The following STX6 variants were observed in gnomAD, a reference collection of about 807,000 sequenced individuals.
The protein encoded by STX6 is syntaxin 6.
A neutral mutation model predicts 38.0 loss-of-function variants in STX6; 23 were observed. The observed-to-expected ratio is 0.60, with a 90% confidence interval of 0.43 to 0.86. The LOEUF (loss-of-function observed/expected upper bound fraction) is 0.86. Ranked by LOEUF, STX6 falls within the 40% of genes least tolerant of loss-of-function variation. STX6 has a pLI of 0.00. For missense variants in STX6, 274 were observed against 312.9 expected, an observed-to-expected ratio of 0.88 and a Z score of 0.94; for synonymous variants, 123 against 107.5, an observed-to-expected ratio of 1.14 and a Z score of -0.89.
chr1:181,022,495 G>T, intron 1 of STX6, 144 bp downstream of exon 1: 1 of 785,018 alleles, frequency 1.3e-6, no homozygotes, highest in Non-Finnish European at 2.1e-6. Context: ...GCTTGGTCAT[G>T]GCCCTCAAGA....
chr1:181,007,576 G>A (rs1656259806), intron 1 of STX6, among the ~76,000 whole-genome samples: 1 of 152,130 alleles, frequency 6.6e-6, no homozygotes, highest in Non-Finnish European at 1.5e-5. Flanking sequence ...ATTCCTTCTT[G>A]AGAACTAGAA....
intron 7 of STX6, among the ~76,000 whole-genome samples, chr1:180,984,026 T>C (rs1191460324): frequency 1.7e-5 from 2 of 117,034 alleles, no homozygotes; most frequent in African/African-American, 6.8e-5. Flanking sequence ...ATTACGCCAC[T>C]GCACTCCAGC....
At position 181,011,082 on chromosome 1, in the gene STX6, AGCACCCTACAG is replaced by A. The variant is rs533807195; in HGVS notation, c.36-5630_36-5620del. ...ACAAAGCAGTTGCAGAATAAAGCTC[AGCACCCTACAG>A]GCCTGACCAGCAACTTGGCTTATTC... is the stretch of plus-strand genomic sequence containing the variant. On this transcript the variant is annotated intron_variant, in intron 1 of 7. Transcript: ENST00000258301. Among the ~76,000 whole-genome samples, 8 of 152,386 alleles carry A rather than the reference AGCACCCTACAG, an allele frequency of 5.2e-5. No homozygotes were observed. The East Asian group carries it at 1.5e-3, about 29-fold the overall frequency.
Position 181,022,735 on chromosome 1 carries a change from T to C in STX6, c.-62A>G. 1.3e-6 allele frequency: 2 copies of C among 1,517,100 alleles called. No homozygotes were observed. Among genetic ancestry groups the C allele is most frequent in the Non-Finnish European group, 1.8e-6 (2 of 1,117,802 alleles). 94.0% of individuals were successfully genotyped at this position (1,517,100 alleles called of 1,614,324 possible). ...CACAGGGCGCCCGTGCCTCCCGGTC[T>C]CCCTCCGCCCACCCCGCCTGTTCCC... On this transcript the variant is annotated 5_prime_UTR_variant, in exon 1 of 8. Transcript: ENST00000258301.
At chr1:181,006,721 C>T (rs1469432690) in intron 1 of STX6, among the ~76,000 whole-genome samples, 1 of 151,940 alleles carries the variant, frequency 6.6e-6, no homozygotes, top group East Asian at 1.9e-4. Flanking sequence ...GCATCCTATA[C>T]CCTCTGACGT....
intron 7 of STX6, among the ~76,000 whole-genome samples, chr1:180,976,926 G>C (rs1655273194): frequency 6.6e-6 from 1 of 152,188 alleles, no homozygotes; most frequent in Non-Finnish European, 1.5e-5. Context: ...GCGGATCTTA[G>C]CTTTCTGCTG....
chr1:180,981,401 A>G (rs981547407), intron 7 of STX6, among the ~76,000 whole-genome samples: 1 of 152,212 alleles, frequency 6.6e-6, no homozygotes, highest in Non-Finnish European at 1.5e-5. Context: ...CCACTTTGCT[A>G]AAATGATTAG....
chr1:181,006,189 A>C (rs1430276795), intron 1 of STX6, among the ~76,000 whole-genome samples: 1 of 151,910 alleles, frequency 6.6e-6, no homozygotes, highest in East Asian at 1.9e-4. Flanking sequence ...TAGCCTCCCG[A>C]GTAGCTGGGA....
chr1:181,022,701 T>G lies in STX6; in HGVS notation c.-28A>C, dbSNP rs111761729. The G allele has an allele frequency of 4.3e-4, 687 of 1,597,592 alleles. 3 individuals carry two copies. The highest frequency in any genetic ancestry group is 3.9e-3 in the African/African-American group (288 of 74,446). ...CGTCCCGGCCCCGGCCGCCTTCACC[T>G]CCTCCGCGCACAGGGCGCCCGTGCC... On this transcript the variant is annotated 5_prime_UTR_variant, in exon 1 of 8. Transcript: ENST00000258301.
At chr1:180,988,016 T>C in intron 6 of STX6, 1 of 394,824 alleles carries the variant, frequency 2.5e-6, no homozygotes, top group Non-Finnish European at 4.7e-6. Context: ...TTTTTGGAGG[T>C]GTTTAAAAAT....
intron 7 of STX6, among the ~76,000 whole-genome samples, chr1:180,983,790 C>T (rs977226445): frequency 5.9e-5 from 9 of 152,174 alleles, no homozygotes; most frequent in African/African-American, 1.7e-4. Context: ...CTGGGCTGGG[C>T]GCGGTGGCTC....
At chr1:180,982,538 C>T (rs1655446203) in intron 7 of STX6, among the ~76,000 whole-genome samples, 1 of 152,176 alleles carries the variant, frequency 6.6e-6, no homozygotes, top group African/African-American at 2.4e-5. Flanking sequence ...GCTATTTATA[C>T]ACACTGGGTC....
chr1:181,000,044 G>T (rs933860326), intron 3 of STX6, among the ~76,000 whole-genome samples: 1 of 152,166 alleles, frequency 6.6e-6, no homozygotes, highest in Non-Finnish European at 1.5e-5. Flanking sequence ...CTTTCAACTA[G>T]AATTTATTAC....
intron 7 of STX6, among the ~76,000 whole-genome samples, chr1:180,982,375 A>G (rs1655442841): frequency 6.6e-6 from 1 of 152,214 alleles, no homozygotes; most frequent in Non-Finnish European, 1.5e-5. Flanking sequence ...TTAAAATGAA[A>G]ACACAAGCAA....
rs111774416 is a variant in STX6, at chr1:180,995,898, C to CA, written c.301-2474_301-2473insT. 3.8e-3 allele frequency among the ~76,000 whole-genome samples: 571 copies of CA among 152,198 alleles called. 6 individuals carry two copies. Among genetic ancestry groups the CA allele is most frequent in the African/African-American group, 0.013 (526 of 41,516 alleles). ...CATTGGCTAAAAAGGAGCACAGGCA[C>CA]CTTCTGGGGGTGCTGGTAACACCCT... On this transcript the variant is annotated intron_variant, in intron 3 of 7. Transcript: ENST00000258301.
At chr1:180,997,958 T>C (rs538287301) in intron 3 of STX6, among the ~76,000 whole-genome samples, 1 of 152,248 alleles carries the variant, frequency 6.6e-6, no homozygotes, top group Non-Finnish European at 1.5e-5. Flanking sequence ...TCAGGATTAT[T>C]TGCATTTTAT....
At chr1:181,014,761 C>G (rs979952129) in intron 1 of STX6, among the ~76,000 whole-genome samples, 1 of 152,208 alleles carries the variant, frequency 6.6e-6, no homozygotes, top group Admixed American at 6.5e-5. Context: ...ACATTCACAT[C>G]GTTTGTATTT....
intron 2 of STX6, among the ~76,000 whole-genome samples, chr1:181,004,183 G>C (rs1020790926): frequency 1.3e-5 from 2 of 152,236 alleles, no homozygotes; most frequent in African/African-American, 4.8e-5. Flanking sequence ...GAGGTTAAGT[G>C]ATGAGCCCAA....
intron 1 of STX6, among the ~76,000 whole-genome samples, chr1:181,011,685 T>G (rs1162177455): frequency 1.3e-5 from 2 of 152,120 alleles, no homozygotes; most frequent in Non-Finnish European, 2.9e-5. Context: ...TTTGTGAGGG[T>G]TTTTATAAGA....
Sources: gnomAD v4.1 joint callset for allele counts (sites outside exome capture counted in the v4.1 genomes callset) on GRCh38, gnomAD v4.1.1 for gene constraint, MANE v1.5 for transcripts, NCBI Gene and HGNC (gene_info 2026-07-23, HGNC 2026-07-21) for gene names.